The following TDRD7 variants were observed in gnomAD, a reference collection of about 807,000 sequenced individuals.
The protein encoded by TDRD7 is tudor domain containing 7, also known as tudor domain-containing protein 7.
TDRD7 carries 47 observed loss-of-function variants against 109.8 expected under a neutral mutation model. The ratio of observed to expected loss-of-function variants is 0.43; its 90% CI spans 0.34 to 0.55. The LOEUF is 0.55. TDRD7 is among the 20% of genes least tolerant of loss of function. The pLI, the probability that TDRD7 is intolerant of heterozygous loss-of-function variation, is 0.03. For synonymous variants in TDRD7, 424 were observed against 457.3 expected, an observed-to-expected ratio of 0.93 and a Z score of 0.93; for missense variants, 1,164 against 1,319.2, an observed-to-expected ratio of 0.88 and a Z score of 1.82.
In TDRD7 at chr9:97,495,969, T is replaced by A. The variant is rs1208435143; in HGVS notation, c.*86T>A. The A allele has an allele frequency of 2.9e-6, 3 of 1,039,480 alleles. No homozygotes were observed. Among genetic ancestry groups the A allele is most frequent in the Non-Finnish European group, 4.5e-6 (3 of 667,194 alleles). 64.4% of individuals were successfully genotyped at this position (1,039,480 alleles called of 1,614,324 possible). A position where few individuals can be genotyped will look rare whatever the true frequency, so the allele number is the denominator to read the frequency against. On this transcript the variant is annotated 3_prime_UTR_variant, in exon 17 of 17. Coordinates refer to ENST00000355295, the MANE Select transcript of TDRD7 (RefSeq NM_014290.3). ...GGCTTAAAAAAAATCTTAACTCTGCTACATGGCTCTGACTGCTGTGGGGGA... is the reference window on the plus strand; with the variant it reads ...GGCTTAAAAAAAATCTTAACTCTGCAACATGGCTCTGACTGCTGTGGGGGA...
At chr9:97,428,301 T>G (rs1828037173) in intron 1 of TDRD7, among the ~76,000 whole-genome samples, 159 bp from the exon 2 acceptor site, 1 of 152,242 alleles carries the variant, frequency 6.6e-6, no homozygotes, top group Non-Finnish European at 1.5e-5. Flanking sequence ...TTATGGTATT[T>G]GTGCTTTTCT....
chr9:97,450,204 T>G (rs970838032), intron 6 of TDRD7, among the ~76,000 whole-genome samples: 2 of 152,132 alleles, frequency 1.3e-5, no homozygotes, highest in Non-Finnish European at 2.9e-5. Context: ...AAGTTACAAG[T>G]CATGCTAGTT....
intron 9 of TDRD7, among the ~76,000 whole-genome samples, chr9:97,471,481 G>A (rs957556165): frequency 1.3e-5 from 2 of 152,154 alleles, no homozygotes; most frequent in African/African-American, 4.8e-5. Flanking sequence ...CGTATCAAGG[G>A]CATAGGACAG....
At chr9:97,413,768 C>T (rs554233482) in intron 1 of TDRD7, among the ~76,000 whole-genome samples, 12 of 152,350 alleles carry the variant, frequency 7.9e-5, no homozygotes, top group African/African-American at 2.9e-4. Flanking sequence ...TTGGTAGTTG[C>T]ACGGTGAGAC....
intron 8 of TDRD7, among the ~76,000 whole-genome samples, chr9:97,468,323 A>C (rs1828853089): frequency 6.6e-6 from 1 of 152,186 alleles, no homozygotes; most frequent in East Asian, 1.9e-4. Context: ...AAAGAAGAAA[A>C]ACCAAGAGAG....
rs114190625 is a variant in TDRD7, at chr9:97,470,991, T to C, written c.1741+322T>C. Among the ~76,000 whole-genome samples, 909 of 152,274 alleles carry C rather than the reference T, an allele frequency of 6.0e-3. 11 individuals are homozygous for C. Among genetic ancestry groups the C allele is most frequent in the African/African-American group, 0.021 (889 of 41,546 alleles). On this transcript the variant is annotated intron_variant, in intron 9 of 16. Transcript: ENST00000355295. ...ATGACATTTGATGAGTTTCAATATG[T>C]TGTTCAGCATGTTGTGAGGTGACTC... is the stretch of plus-strand genomic sequence containing the variant.
intron 1 of TDRD7, among the ~76,000 whole-genome samples, chr9:97,422,380 A>T (rs1458815837): frequency 6.6e-6 from 1 of 151,856 alleles, no homozygotes; most frequent in Non-Finnish European, 1.5e-5. Flanking sequence ...TGGGCAACAG[A>T]TCAAGACCCT....
intron 13 of TDRD7, 95 bp from the exon 14 acceptor site, chr9:97,480,733 G>A (rs1829101846): frequency 9.7e-7 from 1 of 1,028,638 alleles, no homozygotes; most frequent in South Asian, 1.3e-5. Flanking sequence ...GTCTATCTTG[G>A]TACCATTTGA....
At chr9:97,447,717 A>G (rs1828425658) in intron 6 of TDRD7, among the ~76,000 whole-genome samples, 1 of 152,186 alleles carries the variant, frequency 6.6e-6, no homozygotes, top group African/African-American at 2.4e-5. Flanking sequence ...ACTCCTGCCC[A>G]AGGTAATGAG....
At chr9:97,445,919 A>T (rs1828391941) in intron 6 of TDRD7, among the ~76,000 whole-genome samples, 1 of 152,176 alleles carries the variant, frequency 6.6e-6, no homozygotes, top group Non-Finnish European at 1.5e-5. Context: ...TGAGGTGAGG[A>T]ATTTGAGACC....
chr9:97,412,587 G>A lies in TDRD7; in HGVS notation c.-7+349G>A, dbSNP rs972623538. On this transcript the variant is annotated intron_variant, in intron 1 of 16. Coordinates refer to ENST00000355295, the MANE Select transcript of TDRD7 (RefSeq NM_014290.3). This position sits in a 1 kb window ranked among gnomAD's most constrained non-coding sequence, Gnocchi z 4.3. ...CAGCAGCGGGGTGTGGACGCGGGCG[G>A]GAGATGCGGACCAGGAAGTGGTTCC... 6.6e-6 allele frequency among the ~76,000 whole-genome samples: 1 copy of A among 152,232 alleles called. No homozygotes were observed. Among genetic ancestry groups the A allele is most frequent in the Non-Finnish European group, 1.5e-5 (1 of 68,036 alleles).
chr9:97,487,062 T>A, intron 15 of TDRD7, 110 bp from the exon 16 acceptor site: 12 of 1,217,272 alleles, frequency 9.9e-6, no homozygotes, highest in Non-Finnish European at 1.3e-5. Context: ...TAAATTTTGA[T>A]AAACATAATT....
chr9:97,428,807 G>A, intron 2 of TDRD7, 135 bp downstream of exon 2: 1 of 787,522 alleles, frequency 1.3e-6, no homozygotes, highest in South Asian at 1.4e-5. Context: ...TAGTGACAGA[G>A]AAAACAGCAT....
chr9:97,450,183 C>T (rs1394128231), intron 6 of TDRD7, among the ~76,000 whole-genome samples: 3 of 152,104 alleles, frequency 2.0e-5, no homozygotes, highest in Non-Finnish European at 4.4e-5. Context: ...GGAGTGTACA[C>T]ATGGTACGTG....
chr9:97,456,954 A>C (rs1587876699), intron 6 of TDRD7, among the ~76,000 whole-genome samples: 2 of 152,344 alleles, frequency 1.3e-5, no homozygotes, highest in Admixed American at 1.3e-4. Flanking sequence ...AAAATTTACA[A>C]GGAACTTAAA....
chr9:97,469,479 G>A (rs913633180), intron 8 of TDRD7, among the ~76,000 whole-genome samples: 2 of 152,172 alleles, frequency 1.3e-5, no homozygotes, highest in African/African-American at 4.8e-5. Context: ...GCTGGGAAGG[G>A]TTTTTGTTTC....
intron 14 of TDRD7, among the ~76,000 whole-genome samples, chr9:97,481,351 T>C (rs1382961499): frequency 2.0e-5 from 3 of 152,224 alleles, no homozygotes; most frequent in Non-Finnish European, 4.4e-5. Context: ...AACAAATCAT[T>C]TATTTATAAT....
chr9:97,436,969 C>A (rs1387063579), intron 4 of TDRD7, among the ~76,000 whole-genome samples: 1 of 152,176 alleles, frequency 6.6e-6, no homozygotes, highest in Non-Finnish European at 1.5e-5. Context: ...GTGCTAATAA[C>A]CTTTACTCTC....
chr9:97,493,117 G>C (rs753578782), intron 16 of TDRD7, among the ~76,000 whole-genome samples: 9 of 152,050 alleles, frequency 5.9e-5, no homozygotes, highest in Non-Finnish European at 1.2e-4. Flanking sequence ...GATTCTCCAG[G>C]GACCTTGGGA....
Sources: gnomAD v4.1 joint callset for allele counts (sites outside exome capture counted in the v4.1 genomes callset) on GRCh38, gnomAD v4.1.1 for gene constraint, Gnocchi (gnomAD v3.1) non-coding constraint, MANE v1.5 for transcripts, NCBI Gene and HGNC (gene_info 2026-07-23, HGNC 2026-07-21) for gene names.